The following CDK18 variants were observed in gnomAD, a reference collection of about 807,000 sequenced individuals.
CDK18 encodes the protein cyclin-dependent kinase 18.
Under a neutral mutation model 62.0 loss-of-function variants are expected in CDK18, and 52 were observed. The ratio of observed to expected loss-of-function variants is 0.84; its 90% CI spans 0.67 to 1.06. The LOEUF (loss-of-function observed/expected upper bound fraction) is 1.06, where lower values mean the gene tolerates loss of function less well. CDK18 is among the 50% of genes least tolerant of loss of function. CDK18 has a pLI of 0.00. For synonymous variants in CDK18, 237 were observed against 247.0 expected, an observed-to-expected ratio of 0.96 and a Z score of 0.38; for missense variants, 604 against 619.9, an observed-to-expected ratio of 0.97 and a Z score of 0.27.
At chr1:205,529,299 TC>T (rs1668611381) in intron 11 of CDK18, 24 bp from the exon 12 acceptor site, 5 of 1,598,944 alleles carry the variant, frequency 3.1e-6, no homozygotes, top group Non-Finnish European at 4.3e-6. Flanking sequence ...ACGCAGGCCC[TC>T]CCCACCCTCT....
intron 1 of CDK18, among the ~76,000 whole-genome samples, chr1:205,515,461 G>A (rs1667773394): frequency 2.0e-5 from 3 of 152,164 alleles, no homozygotes; most frequent in African/African-American, 4.8e-5. Flanking sequence ...ACAGACATGA[G>A]CCACCGCGCC....
rs117430181 is a variant in CDK18 at position 205,527,350 on chromosome 1, G to A, written c.730-444G>A. 1 of 223,222 alleles carries A rather than the reference G, an allele frequency of 4.5e-6. No homozygotes were observed. The highest frequency in any genetic ancestry group is 7.2e-5 in the South Asian group (1 of 13,854). The allele number at this position is 223,222 out of a possible 1,614,324, so 13.8% of individuals were successfully genotyped here. A position where few individuals can be genotyped will look rare whatever the true frequency, so the allele number is the denominator to read the frequency against. On this transcript the variant is annotated intron_variant, in intron 8 of 15. Coordinates refer to ENST00000429964, the MANE Select transcript of CDK18 (RefSeq NM_212502.3). This position sits in a 1 kb window ranked among gnomAD's most constrained non-coding sequence, Gnocchi z 4.1. ...AAAAATTAGCCGGGCACAGTAGCGT[G>A]CACCCATAGTCCCAGCTGCTTGAGA... is the stretch of plus-strand genomic sequence containing the variant.
intron 1 of CDK18, among the ~76,000 whole-genome samples, chr1:205,507,216 C>A (rs150707389): frequency 2.0e-4 from 31 of 152,158 alleles, no homozygotes; most frequent in Non-Finnish European, 1.6e-4. Context: ...AAACTTCTGG[C>A]CTTGGTGGAA....
chr1:205,529,692 C>T, intron 13 of CDK18, 129 bp downstream of exon 13: 2 of 1,554,706 alleles, frequency 1.3e-6, no homozygotes, highest in Non-Finnish European at 1.7e-6. Flanking sequence ...CTCCCCTGTA[C>T]TCTCCACCCC....
rs764276589 is a variant in CDK18, at chr1:205,526,761, G to A, written c.667-14G>A. On this transcript the variant is annotated splice_polypyrimidine_tract_variant and intron_variant, in intron 7 of 15. Coordinates refer to ENST00000429964, the MANE Select transcript of CDK18 (RefSeq NM_212502.3). Reference sequence around the variant, plus strand: ...TCAGCGTGGGGCAGGACTGAGCCACGCTCTGTGTTCCAGGACAGTGACCTG... The same window carrying A: ...TCAGCGTGGGGCAGGACTGAGCCACACTCTGTGTTCCAGGACAGTGACCTG... The A allele has an allele frequency of 6.2e-6, 10 of 1,612,612 alleles. No individual in the cohort carries two copies. Among genetic ancestry groups the A allele is most frequent in the South Asian group, 5.5e-5 (5 of 91,054 alleles).
intron 1 of CDK18, among the ~76,000 whole-genome samples, chr1:205,511,313 T>A (rs1667555568): frequency 6.6e-6 from 1 of 152,210 alleles, no homozygotes; most frequent in African/African-American, 2.4e-5. Flanking sequence ...TGGGTGCTTT[T>A]GTGCTGCAAA....
At position 205,528,792 on chromosome 1, in the gene CDK18, C is replaced by T. The variant is rs1344944030; in HGVS notation, c.975-207C>T. The stretch of plus-strand genomic sequence containing the variant: ...TCACAGAGTGAAAGTCGCAGCTTTC[C>T]CGAGCCCAGGGAAGCCCCCCAGAGA... On this transcript the variant is annotated intron_variant, in intron 10 of 15. Coordinates refer to ENST00000429964, the MANE Select transcript of CDK18 (RefSeq NM_212502.3). The surrounding 1 kb of genome is among the most constrained non-coding windows in gnomAD (Gnocchi z 4.2). 6 of 469,890 alleles carry T rather than the reference C, an allele frequency of 1.3e-5. No individual in the cohort carries two copies. The highest frequency in any genetic ancestry group is 2.3e-5 in the Non-Finnish European group (6 of 265,056). 29.1% of individuals were successfully genotyped at this position (469,890 alleles called of 1,614,324 possible).
chr1:205,520,662 T>C (rs1446552403), intron 1 of CDK18, among the ~76,000 whole-genome samples: 1 of 148,130 alleles, frequency 6.8e-6, no homozygotes, highest in Non-Finnish European at 1.5e-5. Context: ...ATCACGCCAC[T>C]GCACTCCAGC....
Position 205,526,612 on chromosome 1 carries a change from G to A in CDK18, c.666+151G>A, listed in dbSNP as rs986927167. The A allele has an allele frequency of 5.4e-5, 50 of 930,878 alleles. No individual in the cohort carries two copies. Among genetic ancestry groups the A allele is most frequent in the Admixed American group, 1.0e-4 (6 of 57,544 alleles). The allele number at this position is 930,878 out of a possible 1,614,324, so 57.7% of individuals were successfully genotyped here. A position where few individuals can be genotyped will look rare whatever the true frequency, so the allele number is the denominator to read the frequency against. On this transcript the variant is annotated intron_variant, in intron 7 of 15. Transcript: ENST00000429964. ...CAGATTTTCAGATGCTCCCGTGCAG[G>A]AGTGGGCCAAGAGCTCAGGCTTACG...
rs759385119 is a variant in CDK18 at position 205,523,674 on chromosome 1, A to G, written c.273+49A>G. The G allele has an allele frequency of 1.9e-6, 3 of 1,541,912 alleles. No individual in the cohort carries two copies. The African/African-American group carries it at 4.1e-5, about 21-fold the overall frequency. On this transcript the variant is annotated intron_variant, in intron 3 of 15. Coordinates refer to ENST00000429964, the MANE Select transcript of CDK18 (RefSeq NM_212502.3). ...CCGGCAGGTGGCAGGATGCACGCAC[A>G]AGGGTGTGCACAGGAGGGCAGCTGC...
chr1:205,511,673 TG>T (rs1667571044), intron 1 of CDK18, among the ~76,000 whole-genome samples: 1 of 152,238 alleles, frequency 6.6e-6, no homozygotes, highest in African/African-American at 2.4e-5. Context: ...CAGTGTGCTG[TG>T]TTTATATGTG....
intron 1 of CDK18, among the ~76,000 whole-genome samples, chr1:205,514,689 C>T (rs1335215795): frequency 6.6e-6 from 1 of 152,096 alleles, no homozygotes; most frequent in Non-Finnish European, 1.5e-5. Flanking sequence ...AGCAGTGGCT[C>T]GATGGCCTCA....
At chr1:205,526,337 A>G (rs1043982836) in intron 6 of CDK18, 30 bp from the exon 7 acceptor site, 2 of 1,565,052 alleles carry the variant, frequency 1.3e-6, no homozygotes, top group African/African-American at 1.4e-5. Flanking sequence ...ATGGGGTCCT[A>G]GGGACCCAGG....
At chr1:205,531,284 C>G in intron 15 of CDK18, 60 bp from the exon 16 acceptor site, 1 of 1,521,008 alleles carries the variant, frequency 6.6e-7, no homozygotes, top group African/African-American at 1.4e-5. Context: ...TCCCTGCTGA[C>G]CTGGGGTACC....
chr1:205,526,297 TG>T, intron 6 of CDK18, 69 bp from the exon 7 acceptor site: 1 of 1,484,262 alleles, frequency 6.7e-7, no homozygotes, highest in Non-Finnish European at 9.4e-7. Context: ...CTCCTGGCGC[TG>T]ACCCCAAGAA....
intron 1 of CDK18, among the ~76,000 whole-genome samples, chr1:205,511,359 C>T (rs541353109): frequency 5.9e-5 from 9 of 152,290 alleles, no homozygotes; most frequent in South Asian, 2.1e-4. Flanking sequence ...GACGATGGCC[C>T]GCAAAGCCTA....
Position 205,516,074 on chromosome 1 carries a change from C to T in CDK18, c.-21-7073C>T, listed in dbSNP as rs1384538616. On this transcript the variant is annotated intron_variant, in intron 1 of 15. Coordinates refer to ENST00000429964, the MANE Select transcript of CDK18 (RefSeq NM_212502.3). The surrounding 1 kb of genome is among the most constrained non-coding windows in gnomAD (Gnocchi z 4.8). ...CTGACGCCGCCACAGCTCCAGGCAG[C>T]TAAGGGGTGACTGGCTTCCCCTGAG... 1.3e-5 allele frequency among the ~76,000 whole-genome samples: 2 copies of T among 152,198 alleles called. No individual in the cohort carries two copies. The highest frequency in any genetic ancestry group is 4.8e-5 in the African/African-American group (2 of 41,454).
intron 14 of CDK18, 34 bp downstream of exon 14, chr1:205,530,383 A>G (rs1251529768): frequency 6.3e-7 from 1 of 1,591,532 alleles, no homozygotes; most frequent in Non-Finnish European, 8.6e-7. Flanking sequence ...AGGGCCACCC[A>G]GAACCAAGGA....
intron 1 of CDK18, among the ~76,000 whole-genome samples, chr1:205,511,703 G>T (rs1244333906): frequency 6.6e-6 from 1 of 152,168 alleles, no homozygotes; most frequent in Non-Finnish European, 1.5e-5. Flanking sequence ...TGACACATGT[G>T]TATATCCTGC....
Sources: allele counts gnomAD v4.1 joint callset (sites outside exome capture counted in the v4.1 genomes callset), GRCh38; gene constraint gnomAD v4.1.1; non-coding constraint Gnocchi (gnomAD v3.1); transcripts MANE v1.5; gene names NCBI Gene and HGNC (gene_info 2026-07-23, HGNC 2026-07-21).